Variants in USP43 observed in about 807,000 individuals in gnomAD.
The protein encoded by USP43 is ubiquitin specific peptidase 43, also known as ubiquitin carboxyl-terminal hydrolase 43.
A neutral mutation model predicts 90.7 loss-of-function variants in USP43; 33 were observed. The observed-to-expected ratio is 0.36, with a 90% CI of 0.28 to 0.49. The LOEUF is 0.49. USP43 is among the 20% of genes least tolerant of loss of function. USP43 has a pLI of 0.98. For missense variants in USP43, 1,274 were observed against 1,476.4 expected (o/e 0.86, Z 2.25); for synonymous variants, 598 against 615.8 (o/e 0.97, Z 0.43).
At chr17:9,671,888 T>A (rs1322969941) in intron 3 of USP43, among the ~76,000 whole-genome samples, 4 of 152,230 alleles carry the variant, frequency 2.6e-5, no homozygotes, top group Non-Finnish European at 1.5e-5. Flanking sequence ...CTTCTTCAGA[T>A]CTGTTTGTCA....
At chr17:9,714,933 G>A (rs375424329) in intron 14 of USP43, among the ~76,000 whole-genome samples, 29 of 152,278 alleles carry the variant, frequency 1.9e-4, no homozygotes, top group East Asian at 1.7e-3. Context: ...GAAGGCCACC[G>A]GTGACTTGCC....
Position 9,729,010 on chromosome 17 carries a change from G to A in USP43, c.*20G>A, listed in dbSNP as rs1917440495. ...TTTTGATGGAGCGTGTCAGTATTGTGTGACGCTGGCATTCTTGGGACTTTG... is the reference window on the plus strand; with the variant it reads ...TTTTGATGGAGCGTGTCAGTATTGTATGACGCTGGCATTCTTGGGACTTTG... On this transcript the variant is annotated 3_prime_UTR_variant, in exon 15 of 15. Coordinates refer to ENST00000285199, the MANE Select transcript of USP43 (RefSeq NM_153210.5). 1 of 1,507,520 alleles carries A rather than the reference G, an allele frequency of 6.6e-7. No homozygotes were observed. Among genetic ancestry groups the A allele is most frequent in the Non-Finnish European group, 8.9e-7 (1 of 1,125,152 alleles). 93.4% of individuals were successfully genotyped at this position (1,507,520 alleles called of 1,614,324 possible).
chr17:9,678,302 GTAT>G (rs1394280429), intron 5 of USP43, among the ~76,000 whole-genome samples: 1 of 152,124 alleles, frequency 6.6e-6, no homozygotes, highest in Non-Finnish European at 1.5e-5. Context: ...ACTGGCAAGT[GTAT>G]TATATTTATG....
Position 9,694,587 on chromosome 17 carries a change from A to AC in USP43, c.1457+1363dup, listed in dbSNP as rs775783914. The stretch of plus-strand genomic sequence containing the variant: ...ACTTTTATTTTATATGTCTTTCCTC[A>AC]CCCCCCATTACTTTTTTATTATTTA... On this transcript the variant is annotated intron_variant, in intron 9 of 14. Coordinates refer to ENST00000285199, the MANE Select transcript of USP43 (RefSeq NM_153210.5). 8.6e-5 allele frequency among the ~76,000 whole-genome samples: 13 copies of AC among 151,598 alleles called. No homozygotes were observed. In the East Asian group the frequency reaches 1.7e-3, roughly 20 times the overall value.
Position 9,728,091 on chromosome 17 carries a change from C to A in USP43, c.2473C>A (p.Pro825Thr), listed in dbSNP as rs187057967. The change falls in exon 15 of 15, where the codon CCA (proline) becomes ACA (threonine). Residue 825 changes from proline to threonine, a missense_variant. By Grantham distance (38) the Pro-to-Thr change is conservative. Coordinates refer to ENST00000285199, the MANE Select transcript of USP43 (RefSeq NM_153210.5). This position sits in a 1 kb window ranked among gnomAD's most constrained non-coding sequence, Gnocchi z 6.2. ...LRWSFGSKEK[P>T]PGASVELVEY... The stretch of plus-strand genomic sequence containing the variant: ...GTGGTCCTTTGGATCCAAGGAGAAA[C>A]CACCAGGTGCCTCCGTCGAGTTGGT... The A allele has an allele frequency of 1.9e-6, 3 of 1,613,934 alleles. No homozygotes were observed. In the East Asian group the frequency reaches 6.7e-5, roughly 36 times the overall value.
Position 9,728,815 on chromosome 17 carries a change from C to T in USP43, c.3197C>T (p.Ala1066Val). Reference protein sequence around the residue: ...GSRLERDVWSAPSSLRLPRKA... With the variant: ...GSRLERDVWSVPSSLRLPRKA... The stretch of plus-strand genomic sequence containing the variant: ...CGGCTCGAGAGGGATGTCTGGTCAG[C>T]CCCCAGCTCTCTCCGCCTCCCTCGT... Residue 1066 changes from alanine (A) to valine (V), a missense_variant, in exon 15 of 15, where the codon GCC (alanine) becomes GTC (valine). Transcript: ENST00000285199. This position sits in a 1 kb window ranked among gnomAD's most constrained non-coding sequence, Gnocchi z 6.2. 1 of 1,613,214 alleles carries T rather than the reference C, an allele frequency of 6.2e-7. No individual in the cohort carries two copies. The highest frequency in any genetic ancestry group is 8.5e-7 in the Non-Finnish European group (1 of 1,179,582).
At chr17:9,700,691 C>T (rs1915516495) in intron 10 of USP43, among the ~76,000 whole-genome samples, 1 of 152,182 alleles carries the variant, frequency 6.6e-6, no homozygotes, top group Non-Finnish European at 1.5e-5. Flanking sequence ...GGAGGGCACA[C>T]AGCTTGTACA....
rs759113951 is a variant in USP43 at position 9,728,639 on chromosome 17, G to A, written c.3021G>A (p.Glu1007=). 11 of 1,613,676 alleles carry A rather than the reference G, an allele frequency of 6.8e-6. No individual in the cohort carries two copies. The highest frequency in any genetic ancestry group is 1.7e-5 in the Admixed American group (1 of 59,984). Residue 1007 remains glutamate (E), a synonymous_variant, in exon 15 of 15, where the codon GAG becomes GAA. Transcript: ENST00000285199. This position sits in a 1 kb window ranked among gnomAD's most constrained non-coding sequence, Gnocchi z 6.2. Reference sequence around the variant, plus strand: ...TGAGGTCCGTGTTTCGGAAGAAGGAGAACAGGAGGAATGAGAGGGCAGAGG... The same window carrying A: ...TGAGGTCCGTGTTTCGGAAGAAGGAAAACAGGAGGAATGAGAGGGCAGAGG... ...TLLRSVFRKK[E]NRRNERAEVS...
At chr17:9,648,421 C>T (rs1911607351) in intron 1 of USP43, among the ~76,000 whole-genome samples, 1 of 152,220 alleles carries the variant, frequency 6.6e-6, no homozygotes. Flanking sequence ...TCTGGGGCTG[C>T]TCTCCAGGAG....
chr17:9,682,021 A>G (rs989176306), intron 6 of USP43, among the ~76,000 whole-genome samples: 1 of 152,164 alleles, frequency 6.6e-6, no homozygotes, highest in Non-Finnish European at 1.5e-5. Flanking sequence ...TTCAAATTCA[A>G]TCATGGTGGA....
chr17:9,695,907 A>G (rs1194882806), intron 9 of USP43, among the ~76,000 whole-genome samples: 1 of 152,128 alleles, frequency 6.6e-6, no homozygotes, highest in African/African-American at 2.4e-5. Context: ...TTCACTAACC[A>G]CCATGTTTTG....
chr17:9,713,599 G>A lies in USP43; in HGVS notation c.2335+1467G>A, dbSNP rs1328254144. The stretch of plus-strand genomic sequence containing the variant: ...GGGGGCAAGAGTGGGGACGTAGGAA[G>A]ATCATTCAGGAGACTAACATGGTTA... On this transcript the variant is annotated intron_variant, in intron 14 of 14. Coordinates refer to ENST00000285199, the MANE Select transcript of USP43 (RefSeq NM_153210.5). Among the ~76,000 whole-genome samples the A allele has an allele frequency of 2.0e-5, 3 of 152,200 alleles. No homozygotes were observed. The East Asian group carries it at 5.8e-4, about 29-fold the overall frequency.
At chr17:9,714,550 G>A (rs550790958) in intron 14 of USP43, among the ~76,000 whole-genome samples, 30 of 152,062 alleles carry the variant, frequency 2.0e-4, no homozygotes, top group Non-Finnish European at 2.8e-4. Context: ...GGGCATGGTG[G>A]CGCACGCCTG....
chr17:9,705,426 T>C (rs1034392973), intron 12 of USP43, among the ~76,000 whole-genome samples: 1 of 152,094 alleles, frequency 6.6e-6, no homozygotes, highest in Admixed American at 6.5e-5. Flanking sequence ...ACTCTGTAGA[T>C]GGACATTGGA....
intron 14 of USP43, among the ~76,000 whole-genome samples, chr17:9,719,858 G>C (rs558914554): frequency 6.6e-6 from 1 of 152,276 alleles, no homozygotes; most frequent in African/African-American, 2.4e-5. Flanking sequence ...CCTGAGGCTA[G>C]GAGCCCGAGA....
In USP43 at chr17:9,729,119, T is replaced by C; in HGVS notation, c.*129T>C. 1.0e-6 allele frequency: 1 copy of C among 969,264 alleles called. No individual in the cohort carries two copies. 60.0% of individuals were successfully genotyped at this position (969,264 alleles called of 1,614,324 possible). A position where few individuals can be genotyped will look rare whatever the true frequency, so the allele number is the denominator to read the frequency against. On this transcript the variant is annotated 3_prime_UTR_variant, in exon 15 of 15. Transcript: ENST00000285199. The stretch of plus-strand genomic sequence containing the variant: ...TAATCTCTAAAAAAAAATTTTTTTT[T>C]TTTTGTGGTGGGGGGTCTCCATATC...
intron 14 of USP43, among the ~76,000 whole-genome samples, chr17:9,725,118 G>A (rs882427): frequency 0.13 from 19,718 of 152,142 alleles, 3,393 homozygotes; most frequent in African/African-American, 0.4. Context: ...CCAGAGCTGC[G>A]GTGTGGAGGG....
At chr17:9,725,313 C>T (rs78542024) in intron 14 of USP43, among the ~76,000 whole-genome samples, 7,851 of 114,406 alleles carry the variant, frequency 0.069, 461 homozygotes, top group East Asian at 0.39. Flanking sequence ...AGAATCTTCT[C>T]GGGGTGGGGT....
At chr17:9,694,204 C>A (rs1915123594) in intron 9 of USP43, among the ~76,000 whole-genome samples, 1 of 152,200 alleles carries the variant, frequency 6.6e-6, no homozygotes, top group Non-Finnish European at 1.5e-5. Context: ...TTCAACCTGA[C>A]TGAGATGGGC....
Sources: allele counts gnomAD v4.1 joint callset (sites outside exome capture counted in the v4.1 genomes callset), GRCh38; gene constraint gnomAD v4.1.1; non-coding constraint Gnocchi (gnomAD v3.1); transcripts MANE v1.5; gene names NCBI Gene and HGNC (gene_info 2026-07-23, HGNC 2026-07-21).